SNRNP25: variants seen among roughly 807,000 people sequenced by gnomAD.
SNRNP25 encodes the protein U11/U12 small nuclear ribonucleoprotein 25 kDa protein.
SNRNP25 carries 21 observed loss-of-function variants against 23.9 expected under a neutral mutation model. The ratio of observed to expected loss-of-function variants is 0.88; its 90% confidence interval spans 0.62 to 1.27. SNRNP25 has a LOEUF of 1.27. Among genes scored for constraint, SNRNP25 ranks in the 50% most tolerant of loss-of-function variants. The probability of loss-of-function intolerance (pLI) is 0.00; values close to 1 mark genes in which losing one functional copy is unlikely to be tolerated. For synonymous variants in SNRNP25, 63 were observed against 60.4 expected (o/e 1.04, Z -0.20); for missense variants, 160 against 156.9 (o/e 1.02, Z -0.11).
At chr16:57,043 C>T (rs777003901) in intron 4 of SNRNP25, 43 bp from the exon 5 acceptor site, 2 of 1,601,462 alleles carry the variant, frequency 1.2e-6, no homozygotes, top group Non-Finnish European at 1.7e-6. Flanking sequence ...ACAGATATGT[C>T]CTTCTGTAGG....
At position 53,879 on chromosome 16, in the gene SNRNP25, G is replaced by C; in HGVS notation, c.-138G>C. The C allele has an allele frequency of 1.3e-6, 2 of 1,488,800 alleles. No individual in the cohort carries two copies. Among genetic ancestry groups the C allele is most frequent in the Non-Finnish European group, 9.1e-7 (1 of 1,099,918 alleles). 92.2% of individuals were successfully genotyped at this position (1,488,800 alleles called of 1,614,324 possible). Reference sequence around the variant, plus strand: ...CTCCCTAGTGCGGGCTGGCAGTGCGGGCAGAGCCCGGCTGAGAGGGGCGGC... The same window carrying C: ...CTCCCTAGTGCGGGCTGGCAGTGCGCGCAGAGCCCGGCTGAGAGGGGCGGC... On this transcript the variant is annotated 5_prime_UTR_variant, in exon 1 of 5. Coordinates refer to ENST00000293861, the MANE Select transcript of SNRNP25 (RefSeq NM_024571.4).
At position 56,545 on chromosome 16, in the gene SNRNP25, C is replaced by G. The variant is rs762839466; in HGVS notation, c.246C>G (p.Tyr82Ter). 1.2e-6 allele frequency: 2 copies of G among 1,614,014 alleles called. No homozygotes were observed. Among genetic ancestry groups the G allele is most frequent in the Non-Finnish European group, 8.5e-7 (1 of 1,180,008 alleles). The change falls in exon 4 of 5, where the codon TAC (tyrosine) becomes TAG (stop). Residue 82 changes from tyrosine (Y) to a stop codon, truncating the protein, a stop_gained. Transcript: ENST00000293861. LOFTEE classifies it high-confidence loss of function. ...CTGCATTCCCCTCTTGCAGGTCCTA[C>G]GTGTGGAGGACGTACCATCTGACCT... ...EGGIQHISWS[Y>*]VWRTYHLTSA...
chr16:56,727 A>C, intron 4 of SNRNP25, 114 bp downstream of exon 4: 1 of 1,175,292 alleles, frequency 8.5e-7, no homozygotes, highest in Non-Finnish European at 1.2e-6. Context: ...CCCTCCTCCA[A>C]GGAGCTTCCT....
In SNRNP25 at chr16:55,542, A is replaced by C. The variant is rs1897395946; in HGVS notation, c.126A>C (p.Glu42Asp). 1 of 1,614,012 alleles carries C rather than the reference A, an allele frequency of 6.2e-7. No homozygotes were observed. Among genetic ancestry groups the C allele is most frequent in the African/African-American group, 1.3e-5 (1 of 74,908 alleles). ...MTVRVCKMDG[E>D]VMPVVVVQSA... ...TCCGAGTGTGCAAGATGGATGGAGA[A>C]GTAATGCGTAAGTGCTACCCTCCTC... Residue 42 changes from glutamate (E) to aspartate (D), a missense_variant, in exon 2 of 5, where the codon GAA becomes GAC. Transcript: ENST00000293861.
rs747117068 is a variant in SNRNP25 at position 55,501 on chromosome 16, G to A, written c.85G>A (p.Gly29Ser). The change falls in exon 2 of 5, where the codon GGC (glycine) becomes AGC (serine). Residue 29 changes from glycine (G) to serine (S), a missense_variant. Physicochemically the swap from Gly to Ser is moderately conservative, Grantham distance 56. Transcript: ENST00000293861. ...EVNSQIALEYGQAMTVRVCKM... is the reference protein window; with the variant it reads ...EVNSQIALEYSQAMTVRVCKM... ...CAACTCCCAAATAGCCCTAGAATAC[G>A]GCCAGGCAATGACGGTCCGAGTGTG... The A allele has an allele frequency of 1.4e-5, 22 of 1,614,024 alleles. No homozygotes were observed. In the East Asian group the frequency reaches 1.8e-4, roughly 13 times the overall value.
At chr16:56,136 G>A (rs1897403407) in intron 3 of SNRNP25, 3 of 619,802 alleles carry the variant, frequency 4.8e-6, no homozygotes, top group Admixed American at 2.3e-5. Context: ...CCGAGCTGCT[G>A]GGTATCTTCA....
chr16:55,693 G>A, intron 2 of SNRNP25, 84 bp from the exon 3 acceptor site: 1 of 1,551,516 alleles, frequency 6.4e-7, no homozygotes, highest in Non-Finnish European at 8.9e-7. Context: ...TGTGCACAGA[G>A]GTGTTGGTTC....
chr16:55,814 G>A lies in SNRNP25; in HGVS notation c.171G>A (p.Leu57=), dbSNP rs79411281. Residue 57 remains leucine (L), a synonymous_variant, in exon 3 of 5, where the codon CTG becomes CTA. Transcript: ENST00000293861. The part of the protein sequence containing the change: ...VVVQSATVLD[L]KKAIQRYVQL... Reference sequence around the variant, plus strand: ...TGCAGAGTGCCACAGTCCTGGACCTGAAGAAGGCCATCCAGAGATACGTGC... The same window carrying A: ...TGCAGAGTGCCACAGTCCTGGACCTAAAGAAGGCCATCCAGAGATACGTGC... The A allele has an allele frequency of 6.6e-3, 10,692 of 1,614,194 alleles. 42 individuals are homozygous for A. The highest frequency in any genetic ancestry group is 8.3e-3 in the Non-Finnish European group (9,748 of 1,180,012).
chr16:56,364 C>G, intron 3 of SNRNP25, 175 bp from the exon 4 acceptor site: 1 of 734,488 alleles, frequency 1.4e-6, no homozygotes, highest in Non-Finnish European at 2.5e-6. Context: ...CCTCTGAGAA[C>G]AGAGCCTCCT....
At chr16:57,054 G>C (rs768990451) in intron 4 of SNRNP25, 32 bp from the exon 5 acceptor site, 63 of 1,612,920 alleles carry the variant, frequency 3.9e-5, no homozygotes, top group Admixed American at 1.0e-4. Context: ...CTTCTGTAGG[G>C]CAGGTGCTTT....
At chr16:55,281 G>A (rs1202285550) in intron 1 of SNRNP25, 178 bp from the exon 2 acceptor site, 4 of 587,428 alleles carry the variant, frequency 6.8e-6, no homozygotes, top group East Asian at 5.9e-5. Flanking sequence ...TAAAATGTGA[G>A]TGGAACATGA....
chr16:57,110 G>A lies in SNRNP25; in HGVS notation c.339G>A (p.Glu113=). Residue 113 remains glutamate (E), a synonymous_variant, in exon 5 of 5, where the codon GAG becomes GAA. Transcript: ENST00000293861. ...GCTACGGCATCCGGAATCGAGACGA[G>A]GTTTCCTTCATCAAAAAGCTGAGGC... is the stretch of plus-strand genomic sequence containing the variant. The part of the protein sequence containing the change: ...LRDYGIRNRD[E]VSFIKKLRQK The A allele has an allele frequency of 6.2e-7, 1 of 1,614,070 alleles. No individual in the cohort carries two copies. The highest frequency in any genetic ancestry group is 8.5e-7 in the Non-Finnish European group (1 of 1,180,008).
intron 1 of SNRNP25, among the ~76,000 whole-genome samples, chr16:54,394 T>C (rs1168633470): frequency 6.6e-6 from 1 of 151,994 alleles, no homozygotes; most frequent in Non-Finnish European, 1.5e-5. Context: ...GGACCACAGG[T>C]GCGCGCTACC....
At chr16:54,203 T>G in intron 1 of SNRNP25, 145 bp downstream of exon 1, 1 of 939,926 alleles carries the variant, frequency 1.1e-6, no homozygotes, top group Non-Finnish European at 1.6e-6. Flanking sequence ...GGTTTTAACC[T>G]TGACCGGGCG....
Position 57,212 on chromosome 16 carries a change from A to G in SNRNP25, c.*69A>G, listed in dbSNP as rs1897425170. The G allele has an allele frequency of 6.6e-7, 1 of 1,503,814 alleles. No homozygotes were observed. The highest frequency in any genetic ancestry group is 9.3e-7 in the Non-Finnish European group (1 of 1,080,838). 93.2% of individuals were successfully genotyped at this position (1,503,814 alleles called of 1,614,324 possible). On this transcript the variant is annotated 3_prime_UTR_variant, in exon 5 of 5. Transcript: ENST00000293861. ...TTTTCCCAGCAGGAATGGGTCCTCG[A>G]ATCATCGTGCCTCTTTCACAGAAAG...
chr16:55,734 GTTCTCACCATGGATC>G (rs759565593), intron 2 of SNRNP25, 28 bp from the exon 3 acceptor site: 34 of 1,607,180 alleles, frequency 2.1e-5, no homozygotes, highest in Non-Finnish European at 2.8e-5. Flanking sequence ...GTGGCTTTGG[GTTCTCACCATGGATC>G]TTCTCCCATC....
In SNRNP25 at chr16:56,258, C is replaced by CA. The variant is rs1325119700; in HGVS notation, c.240-280dup. The CA allele has an allele frequency of 5.8e-6, 4 of 694,714 alleles. No individual in the cohort carries two copies. The African/African-American group carries it at 7.0e-5, about 12-fold the overall frequency. 43.0% of individuals were successfully genotyped at this position (694,714 alleles called of 1,614,324 possible). A position where few individuals can be genotyped will look rare whatever the true frequency, so the allele number is the denominator to read the frequency against. On this transcript the variant is annotated intron_variant, in intron 3 of 4. Transcript: ENST00000293861. ...TTCTCACCTGGGTGCTGTCAGCCCTCACTCTCCTATTGGATCAACTATCCT... is the reference window on the plus strand; with the variant it reads ...TTCTCACCTGGGTGCTGTCAGCCCTCAACTCTCCTATTGGATCAACTATCCT...
intron 1 of SNRNP25, 47 bp downstream of exon 1, chr16:54,105 C>T (rs1194446685): frequency 1.3e-6 from 2 of 1,556,716 alleles, no homozygotes; most frequent in Admixed American, 1.9e-5. Flanking sequence ...TCCCCGGGGT[C>T]CGGGCATCCG....
Position 54,086 on chromosome 16 carries a change from G to C in SNRNP25, c.42+28G>C, listed in dbSNP as rs746926591. ...GTGTGCGGGCGGGGGCTGGGGGCGC[G>C]GGAGTCGTTCCCCGGGGTCCGGGCA... On this transcript the variant is annotated intron_variant, in intron 1 of 4. Coordinates refer to ENST00000293861, the MANE Select transcript of SNRNP25 (RefSeq NM_024571.4). 2.5e-6 allele frequency: 4 copies of C among 1,584,366 alleles called. No individual in the cohort carries two copies. The East Asian group carries it at 9.1e-5, about 36-fold the overall frequency.
Sources: allele counts gnomAD v4.1 joint callset (sites outside exome capture counted in the v4.1 genomes callset), GRCh38; gene constraint gnomAD v4.1.1; transcripts MANE v1.5; gene names NCBI Gene and HGNC (gene_info 2026-07-23, HGNC 2026-07-21).